ZSCAN18: variants seen among roughly 807,000 people sequenced by gnomAD.
The protein encoded by ZSCAN18 is zinc finger and SCAN domain containing 18.
In ZSCAN18, 16 loss-of-function variants were observed where a neutral mutation model predicts 31.1. The observed-to-expected ratio is 0.51, with a 90% CI of 0.35 to 0.78. The LOEUF is 0.78. Ranked by LOEUF, ZSCAN18 falls within the 30% of genes least tolerant of loss-of-function variation. ZSCAN18 has a pLI of 0.01. For missense variants in ZSCAN18, 731 were observed against 697.4 expected (o/e 1.05, Z -0.54); for synonymous variants, 375 against 320.7 (o/e 1.17, Z -1.81).
chr19:58,086,027 CCTCA>C, intron 6 of ZSCAN18, 143 bp downstream of exon 6: 1 of 661,832 alleles, frequency 1.5e-6, no homozygotes, highest in Non-Finnish European at 2.7e-6. Flanking sequence ...TGGATTCCTG[CCTCA>C]CTCAGACACG....
upstream of ZSCAN18, among the ~76,000 whole-genome samples, chr19:58,100,694 T>TCAGGAGTTCAAGACCAGCCTGGA (rs71188076): frequency 2.0e-5 from 3 of 148,704 alleles, no homozygotes; most frequent in Admixed American, 6.7e-5. Context: ...GATCACGAGG[T>TCAGGAGTTCAAGACCAGCCTGGA]CAACATGGTG....
chr19:58,102,334 G>A (rs572220242), upstream of ZSCAN18, among the ~76,000 whole-genome samples: 7 of 152,160 alleles, frequency 4.6e-5, no homozygotes, highest in South Asian at 4.2e-4. Context: ...GGTGGCGGGC[G>A]CCTGTAGTCC....
In ZSCAN18 at chr19:58,090,343, G is replaced by A. The variant is rs755415314; in HGVS notation, c.-76C>T. 6.2e-7 allele frequency: 1 copy of A among 1,605,868 alleles called. No individual in the cohort carries two copies. Among genetic ancestry groups the A allele is most frequent in the Non-Finnish European group, 8.5e-7 (1 of 1,175,150 alleles). On this transcript the variant is annotated 5_prime_UTR_variant, in exon 2 of 7. Transcript: ENST00000601144. The surrounding 1 kb of genome is among the most constrained non-coding windows in gnomAD (Gnocchi z 4.7). The stretch of plus-strand genomic sequence containing the variant: ...GCTCCAAAGGAGAGGTGCCAGGGAT[G>A]ACCAGATGCCCAGTGGGCTCAGGTG...
At position 58,090,285 on chromosome 19, in the gene ZSCAN18, G is replaced by C; in HGVS notation, c.-18C>G. On this transcript the variant is annotated 5_prime_UTR_variant, in exon 2 of 7. Coordinates refer to ENST00000601144, the MANE Select transcript of ZSCAN18 (RefSeq NM_001145543.2). This position sits in a 1 kb window ranked among gnomAD's most constrained non-coding sequence, Gnocchi z 4.7. ...GGCAACATCTTTCCAAAACGGCACT[G>C]GAAAATGTGACTGTCTAGCCAGGGA... 1 of 1,613,504 alleles carries C rather than the reference G, an allele frequency of 6.2e-7. No individual in the cohort carries two copies. The highest frequency in any genetic ancestry group is 1.6e-4 in the Middle Eastern group (1 of 6,062).
At chr19:58,086,581 CA>C in intron 5 of ZSCAN18, 1 of 467,086 alleles carries the variant, frequency 2.1e-6, no homozygotes, top group East Asian at 3.5e-5. Context: ...AGAACGTCTA[CA>C]AAAGAGGAGA....
At chr19:58,094,821 T>G (rs959300366) in intron 1 of ZSCAN18, among the ~76,000 whole-genome samples, 3 of 135,308 alleles carry the variant, frequency 2.2e-5, no homozygotes, top group African/African-American at 8.4e-5. Context: ...AAGGCTTCAG[T>G]GAGCTGTGAT....
intron 2 of ZSCAN18, among the ~76,000 whole-genome samples, chr19:58,089,131 G>A (rs968202313): frequency 4.7e-5 from 7 of 150,396 alleles, no homozygotes; most frequent in Non-Finnish European, 7.4e-5. Context: ...GTGAAACCCC[G>A]TCTCTACTAA....
At chr19:58,108,442 T>A (rs1285119871) in intron 1 of ZSCAN18, 1 of 985,448 alleles carries the variant, frequency 1.0e-6, no homozygotes, top group African/African-American at 1.7e-5. Context: ...TTCTTTCCTA[T>A]GTGGGTTTTC....
chr19:58,092,631 C>G, intron 1 of ZSCAN18: 1 of 814,926 alleles, frequency 1.2e-6, no homozygotes, highest in Non-Finnish European at 1.5e-6. Context: ...CTATCAACCT[C>G]TCTCTCTGTG....
chr19:58,100,816 A>T (rs1020548268), upstream of ZSCAN18, among the ~76,000 whole-genome samples: 2 of 152,010 alleles, frequency 1.3e-5, no homozygotes, highest in African/African-American at 4.8e-5. Context: ...CAGGGGCTGC[A>T]GTGAGTTGAG....
At position 58,083,856 on chromosome 19, in the gene ZSCAN18, T is replaced by C. The variant is rs902331124; in HGVS notation, c.*829A>G. The C allele has an allele frequency of 6.6e-6, 1 of 152,090 alleles. No homozygotes were observed. Among genetic ancestry groups the C allele is most frequent in the Non-Finnish European group, 1.5e-5 (1 of 68,016 alleles). The allele number at this position is 152,090 out of a possible 1,614,324, so 9.4% of individuals were successfully genotyped here. On this transcript the variant is annotated 3_prime_UTR_variant, in exon 7 of 7. Transcript: ENST00000601144. ...AGATCACCTTATGTAGCCCAAGGAGTTTAGTCTCCTTTGCTCAGACAGACA... is the reference window on the plus strand; with the variant it reads ...AGATCACCTTATGTAGCCCAAGGAGCTTAGTCTCCTTTGCTCAGACAGACA...
chr19:58,103,475 T>C (rs759558277), intron 1 of ZSCAN18, among the ~76,000 whole-genome samples: 21 of 152,224 alleles, frequency 1.4e-4, no homozygotes, highest in Admixed American at 6.5e-4. Context: ...TATTATTATC[T>C]GTTATGGTGA....
chr19:58,089,637 A>G (rs547416286), intron 2 of ZSCAN18, among the ~76,000 whole-genome samples: 170 of 152,360 alleles, frequency 1.1e-3, no homozygotes, highest in African/African-American at 3.8e-3. Context: ...AAATAAATAA[A>G]TAAATAAATA....
intron 1 of ZSCAN18, 38 bp downstream of exon 1, chr19:58,098,136 T>C (rs948994133): frequency 1.1e-5 from 11 of 985,354 alleles, no homozygotes; most frequent in Non-Finnish European, 1.3e-5. Context: ...TTGGGGTCGC[T>C]CTCTGACCCC....
intron 1 of ZSCAN18, among the ~76,000 whole-genome samples, chr19:58,109,616 C>A (rs1300640373): frequency 6.6e-6 from 1 of 152,080 alleles, no homozygotes; most frequent in Non-Finnish European, 1.5e-5. Flanking sequence ...ACTAAGAGTA[C>A]ACAAAAATAT....
chr19:58,099,764 A>T (rs28784120), upstream of ZSCAN18, among the ~76,000 whole-genome samples: 27,745 of 151,924 alleles, frequency 0.18, 2,823 homozygotes, highest in Non-Finnish European at 0.24. Flanking sequence ...GTGTTTTGCT[A>T]TTTTTTATTT....
At chr19:58,097,338 AG>A (rs1188589576) in intron 1 of ZSCAN18, among the ~76,000 whole-genome samples, 3 of 151,954 alleles carry the variant, frequency 2.0e-5, no homozygotes, top group African/African-American at 7.3e-5. Context: ...GGAGCCCAGG[AG>A]GGTGAGAGAA....
At chr19:58,091,921 C>G (rs1036173428) in intron 1 of ZSCAN18, among the ~76,000 whole-genome samples, 7 of 152,120 alleles carry the variant, frequency 4.6e-5, no homozygotes, top group African/African-American at 1.7e-4. Context: ...TAAACCACAC[C>G]AGGCCAGGTG....
chr19:58,090,641 G>A lies in ZSCAN18; in HGVS notation c.-119-255C>T, dbSNP rs1400030689. The stretch of plus-strand genomic sequence containing the variant: ...GTCACCCTCTGTCACCCAAGCTGGA[G>A]TGCAGTGGCGCAATCTCGGCTCAAT... On this transcript the variant is annotated intron_variant, in intron 1 of 6. Coordinates refer to ENST00000601144, the MANE Select transcript of ZSCAN18 (RefSeq NM_001145543.2). The surrounding 1 kb of genome is among the most constrained non-coding windows in gnomAD (Gnocchi z 4.7). 5.5e-6 allele frequency: 2 copies of A among 362,386 alleles called. No homozygotes were observed. Among genetic ancestry groups the A allele is most frequent in the Non-Finnish European group, 9.9e-6 (2 of 201,502 alleles). The allele number at this position is 362,386 out of a possible 1,614,324, so 22.4% of individuals were successfully genotyped here.
Sources: gnomAD v4.1 joint callset for allele counts (sites outside exome capture counted in the v4.1 genomes callset) on GRCh38, gnomAD v4.1.1 for gene constraint, Gnocchi (gnomAD v3.1) non-coding constraint, MANE v1.5 for transcripts, NCBI Gene and HGNC (gene_info 2026-07-23, HGNC 2026-07-21) for gene names.